SLC35F3: variants seen among roughly 807,000 people sequenced by gnomAD.
SLC35F3 encodes the protein solute carrier family 35 member F3.
Under a neutral mutation model 49.9 loss-of-function variants are expected in SLC35F3, and 25 were observed. The observed-to-expected ratio is 0.50, with a 90% CI of 0.37 to 0.70. SLC35F3 has a LOEUF of 0.70. SLC35F3 is among the 30% of genes least tolerant of loss of function. The pLI, the probability that SLC35F3 is intolerant of heterozygous loss-of-function variation, is 0.00. For missense variants in SLC35F3, 525 were observed against 639.8 expected, an observed-to-expected ratio of 0.82 and a Z score of 1.94; for synonymous variants, 275 against 265.4, an observed-to-expected ratio of 1.04 and a Z score of -0.35.
chr1:234,140,030 A>G (rs1381498988), intron 2 of SLC35F3, among the ~76,000 whole-genome samples: 1 of 151,488 alleles, frequency 6.6e-6, no homozygotes, highest in Non-Finnish European at 1.5e-5. Context: ...AAGTACTGAG[A>G]TACTGCAACT....
intron 3 of SLC35F3, among the ~76,000 whole-genome samples, chr1:234,240,672 G>T (rs1474280333): frequency 6.6e-6 from 1 of 152,088 alleles, no homozygotes; most frequent in Non-Finnish European, 1.5e-5. Context: ...CTAAAATGAT[G>T]ATGATGATCA....
intron 2 of SLC35F3, among the ~76,000 whole-genome samples, chr1:234,156,493 T>G (rs897804527): frequency 6.6e-6 from 1 of 152,328 alleles, no homozygotes; most frequent in South Asian, 2.1e-4. Context: ...GTCGTAACTG[T>G]CATGCATTGC....
intron 2 of SLC35F3, among the ~76,000 whole-genome samples, chr1:233,965,367 C>T (rs2102814104): frequency 6.6e-6 from 1 of 152,304 alleles, no homozygotes; most frequent in Non-Finnish European, 1.5e-5. Flanking sequence ...GTGCTCACCT[C>T]TTTGTCTAAT....
At chr1:234,272,640 CA>C (rs1309584792) in intron 3 of SLC35F3, 1 of 152,282 alleles carries the variant, frequency 6.6e-6, no homozygotes, top group Non-Finnish European at 1.5e-5. Flanking sequence ...GTGACTTCCC[CA>C]AAGAAGCTTT....
At chr1:233,950,047 A>C (rs914196202) in intron 2 of SLC35F3, among the ~76,000 whole-genome samples, 2 of 152,128 alleles carry the variant, frequency 1.3e-5, no homozygotes, top group African/African-American at 4.8e-5. Context: ...TGTGGGCACC[A>C]GCACTTTTGG....
In SLC35F3 at chr1:233,947,544, G is replaced by A. The variant is rs138391317; in HGVS notation, c.283+41786G>A. Among the ~76,000 whole-genome samples, 485 of 151,620 alleles carry A rather than the reference G, an allele frequency of 3.2e-3. 3 individuals are homozygous for A. The highest frequency in any genetic ancestry group is 0.011 in the African/African-American group (470 of 41,354). On this transcript the variant is annotated intron_variant, in intron 2 of 7. Transcript: ENST00000366618. ...CTCAGTGCTTTGCATTGAGGTCAGC[G>A]TCTTCTCAAGCGAAGGGCTCAAATG...
At chr1:234,309,663 C>T (rs1657300008) in intron 4 of SLC35F3, among the ~76,000 whole-genome samples, 1 of 152,280 alleles carries the variant, frequency 6.6e-6, no homozygotes, top group Non-Finnish European at 1.5e-5. Flanking sequence ...GGGCGGCTTT[C>T]CCGGCTGTAG....
chr1:234,141,634 G>A (rs1665915154), intron 2 of SLC35F3, among the ~76,000 whole-genome samples: 2 of 152,068 alleles, frequency 1.3e-5, no homozygotes, highest in Admixed American at 1.3e-4. Context: ...GAAATTCCAA[G>A]CTACTTCACA....
At chr1:234,144,290 G>A (rs936808103) in intron 2 of SLC35F3, among the ~76,000 whole-genome samples, 1 of 152,196 alleles carries the variant, frequency 6.6e-6, no homozygotes, top group Non-Finnish European at 1.5e-5. Flanking sequence ...GCTGACTGCA[G>A]GGTGTCCTCA....
At chr1:234,257,058 C>T (rs12039704) in intron 3 of SLC35F3, among the ~76,000 whole-genome samples, 48,337 of 152,006 alleles carry the variant, frequency 0.32, 8,399 homozygotes, top group East Asian at 0.71. Context: ...CAACTTAAAA[C>T]GGGTGCATTT....
At chr1:234,266,387 G>C (rs1338317949) in intron 3 of SLC35F3, among the ~76,000 whole-genome samples, 2 of 152,126 alleles carry the variant, frequency 1.3e-5, no homozygotes, top group African/African-American at 4.8e-5. Flanking sequence ...TATGCCTTTT[G>C]TGCCCACCAG....
chr1:234,032,997 T>C (rs536521288), intron 2 of SLC35F3, among the ~76,000 whole-genome samples: 2 of 152,314 alleles, frequency 1.3e-5, no homozygotes, highest in East Asian at 3.9e-4. Flanking sequence ...GTAAAAGTGT[T>C]CCCTTTTCAC....
intron 2 of SLC35F3, among the ~76,000 whole-genome samples, chr1:234,038,833 T>A (rs1188644515): frequency 6.6e-6 from 1 of 152,178 alleles, no homozygotes; most frequent in Non-Finnish European, 1.5e-5. Flanking sequence ...AAGACATCAC[T>A]GAAGATAACA....
At chr1:233,960,314 T>C (rs181498248) in intron 2 of SLC35F3, among the ~76,000 whole-genome samples, 1 of 152,298 alleles carries the variant, frequency 6.6e-6, no homozygotes, top group Non-Finnish European at 1.5e-5. Flanking sequence ...GAAGACACAG[T>C]GAGGAAGCTC....
At chr1:234,242,653 T>A (rs1205761477) in intron 3 of SLC35F3, among the ~76,000 whole-genome samples, 3 of 152,180 alleles carry the variant, frequency 2.0e-5, no homozygotes, top group Non-Finnish European at 4.4e-5. Flanking sequence ...ATACACCTCC[T>A]AGGCTGGATT....
chr1:234,166,164 T>C (rs1170785971), intron 2 of SLC35F3, among the ~76,000 whole-genome samples: 1 of 152,130 alleles, frequency 6.6e-6, no homozygotes, highest in Admixed American at 6.5e-5. Flanking sequence ...TAATAGACTT[T>C]AGAGTAGTTT....
chr1:233,977,783 C>T (rs559914468), intron 2 of SLC35F3, among the ~76,000 whole-genome samples: 28 of 152,240 alleles, frequency 1.8e-4, no homozygotes, highest in East Asian at 1.4e-3. Flanking sequence ...TGCTGCTCTG[C>T]GCTCAAGATG....
At chr1:234,108,285 TTATA>T (rs59253152) in intron 2 of SLC35F3, among the ~76,000 whole-genome samples, 1 of 41,128 alleles carries the variant, frequency 2.4e-5, no homozygotes, top group Non-Finnish European at 4.8e-5. Context: ...TATATATTAT[TTATA>T]TATAAAGATA....
intron 2 of SLC35F3, among the ~76,000 whole-genome samples, chr1:234,165,540 C>T (rs544960196): frequency 1.3e-5 from 2 of 152,044 alleles, no homozygotes; most frequent in Non-Finnish European, 2.9e-5. Flanking sequence ...CTTAGAACCT[C>T]TTTACATTAT....
Sources: allele counts gnomAD v4.1 joint callset (sites outside exome capture counted in the v4.1 genomes callset), GRCh38; gene constraint gnomAD v4.1.1; transcripts MANE v1.5; gene names NCBI Gene and HGNC (gene_info 2026-07-23, HGNC 2026-07-21).